RIMS1: variants seen among roughly 807,000 people sequenced by gnomAD.
The protein encoded by RIMS1 is regulating synaptic membrane exocytosis 1, also known as regulating synaptic membrane exocytosis protein 1.
A neutral mutation model predicts 214.1 loss-of-function variants in RIMS1; 83 were observed. The observed-to-expected ratio is 0.39, with a 90% CI of 0.32 to 0.47. The LOEUF is 0.47. Ranked by LOEUF, RIMS1 falls within the 20% of genes least tolerant of loss-of-function variation. RIMS1 has a pLI of 0.99. For synonymous variants in RIMS1, 793 were observed against 786.8 expected, an observed-to-expected ratio of 1.01 and a Z score of -0.13; for missense variants, 2,050 against 2,161.8, an observed-to-expected ratio of 0.95 and a Z score of 1.03.
chr6:72,076,279 C>T (rs1489373947), intron 2 of RIMS1, among the ~76,000 whole-genome samples: 5 of 152,170 alleles, frequency 3.3e-5, no homozygotes, highest in Admixed American at 2.6e-4. Context: ...GCTTCCATTA[C>T]AAAATACCAT....
rs1279238328 is a variant in RIMS1 at position 72,306,822 on chromosome 6, AGGG to A, written c.3851-435_3851-433del. The stretch of plus-strand genomic sequence containing the variant: ...ATTTTTAGGTGACTACTGTTAGCTG[AGGG>A]TGTTAAGTGGGTGTGTGCATGCATG... On this transcript the variant is annotated intron_variant, in intron 26 of 33. Coordinates refer to ENST00000521978, the MANE Select transcript of RIMS1 (RefSeq NM_014989.7). 2.0e-5 allele frequency among the ~76,000 whole-genome samples: 3 copies of A among 152,160 alleles called. No individual in the cohort carries two copies. The East Asian group carries it at 5.8e-4, about 29-fold the overall frequency.
intron 23 of RIMS1, among the ~76,000 whole-genome samples, chr6:72,279,716 A>T (rs940441623): frequency 2.6e-5 from 4 of 152,060 alleles, no homozygotes; most frequent in Non-Finnish European, 5.9e-5. Flanking sequence ...CATGTGGCAG[A>T]GTCAGCAGAG....
chr6:72,328,743 T>G (rs188887189), intron 28 of RIMS1, among the ~76,000 whole-genome samples: 1 of 151,836 alleles, frequency 6.6e-6, no homozygotes, highest in East Asian at 1.9e-4. Flanking sequence ...TTTAAAGGGT[T>G]TTTCTTCTTT....
At chr6:72,111,160 T>G (rs192714645) in intron 4 of RIMS1, among the ~76,000 whole-genome samples, 13 of 152,332 alleles carry the variant, frequency 8.5e-5, no homozygotes, top group African/African-American at 2.2e-4. Context: ...TGCTTAGTTC[T>G]TTGTGTGGTC....
At chr6:71,959,098 T>C (rs1056967990) in intron 1 of RIMS1, among the ~76,000 whole-genome samples, 1 of 152,094 alleles carries the variant, frequency 6.6e-6, no homozygotes, top group African/African-American at 2.4e-5. Context: ...AAAGAAATAT[T>C]CATTCACAAT....
At chr6:72,358,541 T>G (rs2097718918) in intron 29 of RIMS1, among the ~76,000 whole-genome samples, 1 of 152,086 alleles carries the variant, frequency 6.6e-6, no homozygotes, top group African/African-American at 2.4e-5. Context: ...AGAGATTACG[T>G]GGGGACAGAG....
At chr6:72,315,847 A>T (rs1373623576) in intron 28 of RIMS1, among the ~76,000 whole-genome samples, 1 of 152,212 alleles carries the variant, frequency 6.6e-6, no homozygotes, top group Non-Finnish European at 1.5e-5. Flanking sequence ...CAAGCATTGC[A>T]GGCTCTTCAG....
intron 1 of RIMS1, among the ~76,000 whole-genome samples, chr6:71,936,794 C>T (rs1784592350): frequency 6.6e-6 from 1 of 152,180 alleles, no homozygotes; most frequent in South Asian, 2.1e-4. Context: ...AATAAGGAAT[C>T]TCTGTAAAGC....
chr6:72,139,288 G>C (rs1394620895), intron 4 of RIMS1, among the ~76,000 whole-genome samples: 1 of 152,020 alleles, frequency 6.6e-6, no homozygotes. Context: ...TGGTTACTTT[G>C]CTGTTCATGA....
chr6:72,268,670 A>G (rs749969692), intron 22 of RIMS1, among the ~76,000 whole-genome samples: 2 of 152,174 alleles, frequency 1.3e-5, no homozygotes, highest in African/African-American at 4.8e-5. Flanking sequence ...CCCTTGTTAC[A>G]TAGTTTGGCC....
At chr6:72,200,075 T>C (rs2051668361) in intron 6 of RIMS1, among the ~76,000 whole-genome samples, 1 of 152,068 alleles carries the variant, frequency 6.6e-6, no homozygotes. Context: ...AAAAATTCTA[T>C]CTAATATTTC....
chr6:71,889,108 T>C (rs183582008), intron 1 of RIMS1, among the ~76,000 whole-genome samples: 10 of 152,270 alleles, frequency 6.6e-5, no homozygotes, highest in African/African-American at 2.4e-4. Flanking sequence ...AGCAGGTGGA[T>C]GGAGGCCTCC....
chr6:72,294,010 C>T (rs2093763183), intron 26 of RIMS1, among the ~76,000 whole-genome samples: 1 of 151,288 alleles, frequency 6.6e-6, no homozygotes, highest in Admixed American at 6.6e-5. Flanking sequence ...AGAAATGTGA[C>T]AACAAGCATG....
chr6:71,962,533 C>T (rs1304212421), intron 1 of RIMS1, among the ~76,000 whole-genome samples: 2 of 152,156 alleles, frequency 1.3e-5, no homozygotes, highest in Admixed American at 1.3e-4. Flanking sequence ...GTGATTAGTA[C>T]ATCTGGCTTT....
intron 2 of RIMS1, among the ~76,000 whole-genome samples, chr6:72,000,655 TTGAC>T (rs1562071337): frequency 2.6e-5 from 4 of 152,168 alleles, no homozygotes; most frequent in Non-Finnish European, 1.5e-5. Context: ...GTCCTAAAGT[TTGAC>T]TGCTGCTCTT....
intron 26 of RIMS1, among the ~76,000 whole-genome samples, chr6:72,300,253 G>T (rs916964975): frequency 4.0e-5 from 6 of 151,690 alleles, no homozygotes; most frequent in African/African-American, 1.4e-4. Context: ...GGCTTTTAAA[G>T]CTTCAAAGGA....
chr6:72,281,960 T>G lies in RIMS1; in HGVS notation c.3483-2087T>G, dbSNP rs967804887. ...CATTTCTTGAAGGTAGAGAGAATTGTGTTTTTTTTTCCACAGACATATTCC... is the reference window on the plus strand; with the variant it reads ...CATTTCTTGAAGGTAGAGAGAATTGGGTTTTTTTTTCCACAGACATATTCC... On this transcript the variant is annotated intron_variant, in intron 23 of 33. Transcript: ENST00000521978. 6.6e-5 allele frequency among the ~76,000 whole-genome samples: 10 copies of G among 152,100 alleles called. 1 individual carries two copies. The highest frequency in any genetic ancestry group is 6.6e-4 in the Admixed American group (10 of 15,244).
At chr6:72,392,659 A>T (rs200062037) in intron 30 of RIMS1, 39 bp from the exon 31 acceptor site, 10 of 1,357,944 alleles carry the variant, frequency 7.4e-6, no homozygotes, top group African/African-American at 1.4e-5. Context: ...AGAAGATTTC[A>T]TGGGTTTTTT....
chr6:72,225,591 T>C (rs2059953982), intron 6 of RIMS1, among the ~76,000 whole-genome samples: 1 of 152,202 alleles, frequency 6.6e-6, no homozygotes, highest in Non-Finnish European at 1.5e-5. Flanking sequence ...CTTAAACCTA[T>C]GGTTAACATC....
Sources: allele counts gnomAD v4.1 joint callset (sites outside exome capture counted in the v4.1 genomes callset), GRCh38; gene constraint gnomAD v4.1.1; transcripts MANE v1.5; gene names NCBI Gene and HGNC (gene_info 2026-07-23, HGNC 2026-07-21).